Variants in OTUB2 observed in about 807,000 individuals in gnomAD.
The protein encoded by OTUB2 is ubiquitin thioesterase OTUB2.
OTUB2 carries 21 observed loss-of-function variants against 25.1 expected under a neutral mutation model. The observed-to-expected ratio is 0.84, with a 90% CI of 0.59 to 1.21. The LOEUF (loss-of-function observed/expected upper bound fraction) is 1.21, where lower values mean the gene tolerates loss of function less well. Among genes scored for constraint, OTUB2 ranks in the 50% most tolerant of loss-of-function variants. The pLI is 0.00. For synonymous variants in OTUB2, 122 were observed against 122.8 expected (o/e 0.99, Z 0.04); for missense variants, 283 against 298.0 (o/e 0.95, Z 0.37).
chr14:94,034,812 T>C (rs1885021315), intron 1 of OTUB2, among the ~76,000 whole-genome samples: 1 of 152,214 alleles, frequency 6.6e-6, no homozygotes, highest in African/African-American at 2.4e-5. Flanking sequence ...TCTGTTCCTT[T>C]TATCCAAAAC....
At chr14:94,037,597 C>T (rs1885081653) in intron 2 of OTUB2, 122 bp downstream of exon 2, 1 of 531,694 alleles carries the variant, frequency 1.9e-6, no homozygotes, top group Non-Finnish European at 3.3e-6. Context: ...TGAAAGGATT[C>T]CTAGGATATT....
rs114354783 is a variant in OTUB2 at position 94,035,385 on chromosome 14, G to T, written c.4-1995G>T. On this transcript the variant is annotated intron_variant, in intron 1 of 5. Transcript: ENST00000203664. ...GCTCACTACAACCTCTGCCTCCCCG[G>T]TTTAAGAAATTCTCTACCTCAGCCT... Among the ~76,000 whole-genome samples the T allele has an allele frequency of 9.7e-3, 1,433 of 147,388 alleles. 29 individuals are homozygous for T. The highest frequency in any genetic ancestry group is 0.034 in the African/African-American group (1,340 of 39,888).
rs1372583873 is a variant in OTUB2 at position 94,045,767 on chromosome 14, T to G, written c.550T>G (p.Ser184Ala). 1 of 1,614,228 alleles carries G rather than the reference T, an allele frequency of 6.2e-7. No homozygotes were observed. The highest frequency in any genetic ancestry group is 1.7e-5 in the Admixed American group (1 of 60,034). The change falls in exon 6 of 6, where the codon TCG becomes GCG. Residue 184 changes from serine (S) to alanine (A), a missense_variant. By Grantham distance (99) the Ser-to-Ala change is moderately conservative. Coordinates refer to ENST00000203664, the MANE Select transcript of OTUB2 (RefSeq NM_023112.4). ...ECDHIQITALSQALSIALQVE... is the reference protein window; with the variant it reads ...ECDHIQITALAQALSIALQVE... ...TGACCACATCCAGATCACGGCGTTGTCGCAGGCCCTGAGCATTGCCCTGCA... is the reference window on the plus strand; with the variant it reads ...TGACCACATCCAGATCACGGCGTTGGCGCAGGCCCTGAGCATTGCCCTGCA...
intron 5 of OTUB2, among the ~76,000 whole-genome samples, chr14:94,045,464 A>G (rs543576011): frequency 2.0e-5 from 3 of 152,176 alleles, no homozygotes; most frequent in Non-Finnish European, 2.9e-5. Flanking sequence ...TGTCAGGTGT[A>G]ACTACAAGGT....
intron 1 of OTUB2, among the ~76,000 whole-genome samples, chr14:94,036,483 G>A (rs116773041): frequency 0.016 from 2,359 of 152,148 alleles, 62 homozygotes; most frequent in African/African-American, 0.053. Context: ...GGGTGGGTTG[G>A]AGGCTAGAGT....
intron 1 of OTUB2, among the ~76,000 whole-genome samples, chr14:94,031,573 T>C (rs1884962534): frequency 6.6e-6 from 1 of 152,152 alleles, no homozygotes; most frequent in Non-Finnish European, 1.5e-5. Context: ...CCTGGCTCTT[T>C]AATCTCAGCT....
At chr14:94,027,935 G>A (rs1286722813) in intron 1 of OTUB2, among the ~76,000 whole-genome samples, 1 of 152,236 alleles carries the variant, frequency 6.6e-6, no homozygotes, top group Non-Finnish European at 1.5e-5. Flanking sequence ...ACCCACCAGG[G>A]AGTGGTGGAG....
chr14:94,035,999 A>C (rs1323103487), intron 1 of OTUB2, among the ~76,000 whole-genome samples: 1 of 152,182 alleles, frequency 6.6e-6, no homozygotes, highest in Non-Finnish European at 1.5e-5. Context: ...AGACAGAAGC[A>C]ACAAAAGTCA....
At chr14:94,039,692 C>G (rs1310816014) in intron 3 of OTUB2, among the ~76,000 whole-genome samples, 2 of 152,244 alleles carry the variant, frequency 1.3e-5, no homozygotes, top group East Asian at 3.9e-4. Flanking sequence ...CAGGGCAGAG[C>G]AGGGACTGCT....
chr14:94,036,634 C>T (rs770952705), intron 1 of OTUB2, among the ~76,000 whole-genome samples: 3 of 152,246 alleles, frequency 2.0e-5, no homozygotes, highest in East Asian at 1.9e-4. Context: ...CCTCTCTGTC[C>T]GCCAATTTCT....
At chr14:94,027,563 T>G (rs879981) in intron 1 of OTUB2, among the ~76,000 whole-genome samples, 93,474 of 152,208 alleles carry the variant, frequency 0.61, 30,504 homozygotes, top group East Asian at 0.96. Flanking sequence ...AACCATGTGA[T>G]ATGATTAGCT....
rs1885139700 is a variant in OTUB2 at position 94,040,461 on chromosome 14, G to C, written c.218+1380G>C. On this transcript the variant is annotated intron_variant, in intron 3 of 5. Coordinates refer to ENST00000203664, the MANE Select transcript of OTUB2 (RefSeq NM_023112.4). ...GACCTCACTCTCTTGCTTACTTGCT[G>C]TGCGACCTTGGGCAAGTGACCTGAT... is the stretch of plus-strand genomic sequence containing the variant. Among the ~76,000 whole-genome samples, 4 of 152,340 alleles carry C rather than the reference G, an allele frequency of 2.6e-5. No homozygotes were observed. The South Asian group carries it at 8.3e-4, about 32-fold the overall frequency.
intron 3 of OTUB2, among the ~76,000 whole-genome samples, chr14:94,039,820 G>C (rs1885125075): frequency 6.6e-6 from 1 of 152,170 alleles, no homozygotes; most frequent in Admixed American, 6.5e-5. Flanking sequence ...AGCCCTTAGA[G>C]GCTTTGGTGA....
At position 94,045,852 on chromosome 14, in the gene OTUB2, C is replaced by A. The variant is rs1337057161; in HGVS notation, c.635C>A (p.Ala212Asp). The A allele has an allele frequency of 6.2e-7, 1 of 1,614,100 alleles. No individual in the cohort carries two copies. The highest frequency in any genetic ancestry group is 8.5e-7 in the Non-Finnish European group (1 of 1,180,050). Residue 212 changes from alanine (A) to aspartate (D), a missense_variant, in exon 6 of 6, where the codon GCC becomes GAC. Transcript: ENST00000203664. ...AACCACCACGTGTTCCCTGAGGCCG[C>A]CACCCCTTCCGTTTACCTGCTCTAT... ...ALNHHVFPEAATPSVYLLYKT... is the reference protein window; with the variant it reads ...ALNHHVFPEADTPSVYLLYKT...
At chr14:94,027,209 G>T (rs1201786108) in intron 1 of OTUB2, among the ~76,000 whole-genome samples, 1 of 152,234 alleles carries the variant, frequency 6.6e-6, no homozygotes, top group Non-Finnish European at 1.5e-5. Context: ...CCTGGGCTTG[G>T]GCAGGTGGGG....
intron 3 of OTUB2, among the ~76,000 whole-genome samples, chr14:94,043,551 G>A (rs1361681531): frequency 6.6e-6 from 1 of 152,238 alleles, no homozygotes; most frequent in Non-Finnish European, 1.5e-5. Flanking sequence ...GGTCCCCAAG[G>A]GTAACTTGGT....
At chr14:94,030,775 C>T (rs987376317) in intron 1 of OTUB2, among the ~76,000 whole-genome samples, 14 of 146,494 alleles carry the variant, frequency 9.6e-5, no homozygotes, top group South Asian at 2.1e-4. Flanking sequence ...GGCGCGATGA[C>T]GTAATCACAA....
In OTUB2 at chr14:94,031,623, T is replaced by G. The variant is rs181157443; in HGVS notation, c.3+5083T>G. Among the ~76,000 whole-genome samples the G allele has an allele frequency of 3.8e-3, 584 of 152,232 alleles. 1 individual carries two copies. The highest frequency in any genetic ancestry group is 0.02 in the Middle Eastern group (6 of 294). ...GTAGGAGGAAGGACCAGCAGACAGC[T>G]GTAGTGCTGGCTCCCACCAAAGACT... On this transcript the variant is annotated intron_variant, in intron 1 of 5. Transcript: ENST00000203664.
Position 94,045,973 on chromosome 14 carries a change from G to A in OTUB2, c.*51G>A, listed in dbSNP as rs1885268968. ...CTGTCACCTAATGGGACTGCATTCT[G>A]AATGGAACATTCCGGCTCTTCAATT... is the stretch of plus-strand genomic sequence containing the variant. On this transcript the variant is annotated 3_prime_UTR_variant, in exon 6 of 6. Transcript: ENST00000203664. 1.3e-6 allele frequency: 2 copies of A among 1,571,158 alleles called. No individual in the cohort carries two copies. Among genetic ancestry groups the A allele is most frequent in the Non-Finnish European group, 8.7e-7 (1 of 1,143,670 alleles).
Sources: allele counts gnomAD v4.1 joint callset (sites outside exome capture counted in the v4.1 genomes callset), GRCh38; gene constraint gnomAD v4.1.1; transcripts MANE v1.5; gene names NCBI Gene and HGNC (gene_info 2026-07-23, HGNC 2026-07-21).